Variants in ROBO2 observed in about 807,000 individuals in gnomAD.
The protein encoded by ROBO2 is roundabout homolog 2.
ROBO2 carries 53 observed loss-of-function variants against 160.8 expected under a neutral mutation model. The ratio of observed to expected loss-of-function variants is 0.33; its 90% CI spans 0.26 to 0.41. The LOEUF (loss-of-function observed/expected upper bound fraction) is 0.41, where lower values mean the gene tolerates loss of function less well. Ranked by LOEUF, ROBO2 falls within the 10% of genes least tolerant of loss-of-function variation. ROBO2 has a pLI of 1.00. For missense variants in ROBO2, 1,577 were observed against 1,722.4 expected (o/e 0.92, Z 1.49); for synonymous variants, 664 against 611.7 (o/e 1.09, Z -1.26).
chr3:77,642,856 T>C (rs1391508524), intron 24 of ROBO2: 6 of 456,324 alleles, frequency 1.3e-5, no homozygotes, highest in East Asian at 1.4e-4. Flanking sequence ...CTCCCTAGAG[T>C]GGCAGCGACA....
At chr3:77,115,565 C>A (rs1389548099) in intron 2 of ROBO2, among the ~76,000 whole-genome samples, 1 of 152,098 alleles carries the variant, frequency 6.6e-6, no homozygotes, top group South Asian at 2.1e-4. Flanking sequence ...AACCAAGTAA[C>A]AAATACAATA....
At position 77,586,763 on chromosome 3, in the gene ROBO2, A is replaced by G. The variant is rs1403849; in HGVS notation, c.2501-1988A>G. Among the ~76,000 whole-genome samples, 614 of 151,132 alleles carry G rather than the reference A, an allele frequency of 4.1e-3. 10 individuals carry two copies. The East Asian group carries it at 0.062, about 15-fold the overall frequency. Reference sequence around the variant, plus strand: ...ATTCCTAATAGTTAAGGAAATCACCAGATAGGTGTATGTCTCATATTGAAA... The same window carrying G: ...ATTCCTAATAGTTAAGGAAATCACCGGATAGGTGTATGTCTCATATTGAAA... On this transcript the variant is annotated intron_variant, in intron 16 of 25. Coordinates refer to ENST00000461745, the Ensembl canonical transcript of ROBO2.
At chr3:76,323,295 C>A (rs951127270) in intron 2 of ROBO2, among the ~76,000 whole-genome samples, 4 of 152,102 alleles carry the variant, frequency 2.6e-5, no homozygotes, top group Non-Finnish European at 4.4e-5. Flanking sequence ...CTACTTTTCT[C>A]TTTCTTAAAA....
intron 19 of ROBO2, among the ~76,000 whole-genome samples, chr3:77,597,529 T>C (rs185884133): frequency 6.6e-6 from 1 of 152,224 alleles, no homozygotes; most frequent in Non-Finnish European, 1.5e-5. Context: ...CTGATCTCAG[T>C]GTGGCTTGGC....
At chr3:76,619,574 A>G (rs2088895385) in intron 2 of ROBO2, among the ~76,000 whole-genome samples, 1 of 152,240 alleles carries the variant, frequency 6.6e-6, no homozygotes, top group African/African-American at 2.4e-5. Flanking sequence ...TAAGGATATT[A>G]AAGTTATTGT....
At chr3:76,208,098 C>T (rs927835312) in intron 2 of ROBO2, among the ~76,000 whole-genome samples, 1 of 152,120 alleles carries the variant, frequency 6.6e-6, no homozygotes, top group Non-Finnish European at 1.5e-5. Flanking sequence ...TGTAAGTTTC[C>T]TGAGGCTTTC....
chr3:76,478,197 G>C (rs760915051), intron 2 of ROBO2, among the ~76,000 whole-genome samples: 2 of 87,296 alleles, frequency 2.3e-5, no homozygotes, highest in Non-Finnish European at 4.2e-5. Context: ...CCCCACAACA[G>C]TCCCCAGAGT....
intron 2 of ROBO2, among the ~76,000 whole-genome samples, chr3:77,137,457 C>T (rs536818345): frequency 6.6e-6 from 1 of 152,064 alleles, no homozygotes; most frequent in African/African-American, 2.4e-5. Flanking sequence ...AACTCTCAAC[C>T]TCAGGTCATC....
At chr3:77,522,848 A>T (rs766038994) in exon 6 of ROBO2, 2 of 1,609,720 alleles carry the variant, frequency 1.2e-6, no homozygotes. Context: ...CTATATGTGT[A>T]TTGCTGAGAA....
chr3:76,043,880 C>G (rs1247333240), intron 2 of ROBO2, among the ~76,000 whole-genome samples: 5 of 151,976 alleles, frequency 3.3e-5, no homozygotes, highest in Non-Finnish European at 7.3e-5. Context: ...TCACTTTGCC[C>G]TGCTGTGCTT....
intron 13 of ROBO2, among the ~76,000 whole-genome samples, chr3:77,572,658 C>CAT (rs2093666477): frequency 6.6e-6 from 1 of 151,680 alleles, no homozygotes; most frequent in East Asian, 1.9e-4. Context: ...CACACACACA[C>CAT]ACACACACAC....
chr3:76,666,078 G>A (rs113643306), intron 2 of ROBO2, among the ~76,000 whole-genome samples: 4,024 of 143,226 alleles, frequency 0.028, 188 homozygotes, highest in African/African-American at 0.096. Context: ...CTCCACATAA[G>A]CAAACTCTCC....
At chr3:76,901,078 A>G (rs2075188790) in intron 2 of ROBO2, among the ~76,000 whole-genome samples, 1 of 152,096 alleles carries the variant, frequency 6.6e-6, no homozygotes, top group African/African-American at 2.4e-5. Flanking sequence ...AGCTAATGTA[A>G]TTTGCCCAAT....
At chr3:76,961,213 A>G (rs1463177300) in intron 2 of ROBO2, among the ~76,000 whole-genome samples, 4 of 144,972 alleles carry the variant, frequency 2.8e-5, no homozygotes, top group African/African-American at 8.1e-5. Flanking sequence ...GATAGTTCAG[A>G]TCATTTACAT....
intron 2 of ROBO2, among the ~76,000 whole-genome samples, chr3:75,992,350 G>A (rs751776109): frequency 2.6e-5 from 4 of 152,162 alleles, no homozygotes; most frequent in Non-Finnish European, 4.4e-5. Flanking sequence ...AGTCACACCA[G>A]CCATGACTAA....
intron 2 of ROBO2, among the ~76,000 whole-genome samples, chr3:76,304,747 C>CTTCCTTCCTTCTTTCTTTCT: frequency 9.8e-6 from 1 of 101,692 alleles, no homozygotes; most frequent in East Asian, 2.4e-4. Flanking sequence ...CTTTTCTTTC[C>CTTCCTTCCTTCTTTCTTTCT]TTCTTTCTTT....
At chr3:77,349,705 A>T (rs2068087262) in intron 2 of ROBO2, among the ~76,000 whole-genome samples, 1 of 152,222 alleles carries the variant, frequency 6.6e-6, no homozygotes, top group Admixed American at 6.5e-5. Flanking sequence ...TGAGAATTCC[A>T]GAACTTCCTG....
At chr3:76,289,308 CTGTT>C (rs1708686881) in intron 2 of ROBO2, among the ~76,000 whole-genome samples, 1 of 152,146 alleles carries the variant, frequency 6.6e-6, no homozygotes, top group African/African-American at 2.4e-5. Flanking sequence ...TGAGACGTGT[CTGTT>C]TACATCTTTT....
At chr3:76,468,821 C>G (rs2078496806) in intron 2 of ROBO2, among the ~76,000 whole-genome samples, 1 of 152,074 alleles carries the variant, frequency 6.6e-6, no homozygotes, top group African/African-American at 2.4e-5. Context: ...CAAGCTTAAA[C>G]CTTTTTTCTC....
Sources: gnomAD v4.1 joint callset for allele counts (sites outside exome capture counted in the v4.1 genomes callset) on GRCh38, gnomAD v4.1.1 for gene constraint, MANE v1.5 for transcripts, NCBI Gene and HGNC (gene_info 2026-07-23, HGNC 2026-07-21) for gene names.